RIPOR2: variants seen among roughly 807,000 people sequenced by gnomAD.
The protein encoded by RIPOR2 is rho family-interacting cell polarization regulator 2.
A neutral mutation model predicts 114.5 loss-of-function variants in RIPOR2; 39 were observed. The ratio of observed to expected loss-of-function variants is 0.34; its 90% CI spans 0.26 to 0.44. RIPOR2 has a LOEUF of 0.44. Among genes scored for constraint, RIPOR2 ranks in the 20% least tolerant of loss-of-function variants. The pLI, the probability that RIPOR2 is intolerant of heterozygous loss-of-function variation, is 1.00. For missense variants in RIPOR2, 1,007 were observed against 1,255.1 expected (o/e 0.80, Z 2.99); for synonymous variants, 445 against 484.4 (o/e 0.92, Z 1.07).
At chr6:24,938,581 G>A (rs892796559), upstream of RIPOR2, among the ~76,000 whole-genome samples, 21 of 152,178 alleles carry the variant, frequency 1.4e-4, no homozygotes, top group Admixed American at 3.9e-4. Flanking sequence ...ATAATTATAC[G>A]CCTAAGTCTC....
intron 7 of RIPOR2, among the ~76,000 whole-genome samples, chr6:24,861,278 C>T (rs1182888554): frequency 6.6e-6 from 1 of 152,128 alleles, no homozygotes; most frequent in Non-Finnish European, 1.5e-5. Flanking sequence ...CAAAAATAGA[C>T]ACATTCAGAA....
At chr6:25,014,738 A>C (rs958209993) in intron 1 of RIPOR2, among the ~76,000 whole-genome samples, 9 of 152,226 alleles carry the variant, frequency 5.9e-5, no homozygotes, top group Admixed American at 3.3e-4. Context: ...GAGCTCCAAA[A>C]TTTAGACAGT....
At chr6:25,027,088 TA>T (rs1776660306) in intron 1 of RIPOR2, among the ~76,000 whole-genome samples, 1 of 152,140 alleles carries the variant, frequency 6.6e-6, no homozygotes, top group South Asian at 2.1e-4. Context: ...TTCCAAATAT[TA>T]AAACAAAAAA....
chr6:25,030,098 G>T (rs10946743), intron 1 of RIPOR2, among the ~76,000 whole-genome samples: 4 of 151,432 alleles, frequency 2.6e-5, no homozygotes, highest in Non-Finnish European at 5.9e-5. Flanking sequence ...TCCCATCCTT[G>T]TTCTTCTGTA....
At chr6:24,950,999 G>A (rs189386292) in intron 1 of RIPOR2, among the ~76,000 whole-genome samples, 1 of 152,342 alleles carries the variant, frequency 6.6e-6, no homozygotes, top group African/African-American at 2.4e-5. Flanking sequence ...GGTCAGCCAA[G>A]ATCTTTGCGT....
intron 1 of RIPOR2, chr6:25,024,477 C>T (rs1776505597): frequency 3.5e-6 from 3 of 854,542 alleles, no homozygotes; most frequent in South Asian, 2.7e-5. Flanking sequence ...GGAGCCTTTG[C>T]TGGACATAGT....
At chr6:25,033,811 CA>C (rs1187908060) in intron 1 of RIPOR2, among the ~76,000 whole-genome samples, 1 of 152,074 alleles carries the variant, frequency 6.6e-6, no homozygotes, top group Admixed American at 6.5e-5. Context: ...CTGTGGTCTA[CA>C]AAAAACAAAT....
intron 8 of RIPOR2, among the ~76,000 whole-genome samples, chr6:24,859,515 G>A (rs1434386583): frequency 1.3e-5 from 2 of 152,110 alleles, no homozygotes; most frequent in African/African-American, 4.8e-5. Flanking sequence ...CTCAAGTGAG[G>A]ACCCAAAAAT....
chr6:24,850,284 G>A (rs1462412451), intron 10 of RIPOR2, among the ~76,000 whole-genome samples: 3 of 151,212 alleles, frequency 2.0e-5, no homozygotes, highest in Non-Finnish European at 4.4e-5. Context: ...TTGTAGAGAC[G>A]GCGTTTTGCC....
At chr6:24,860,523 C>T (rs1025492465) in intron 8 of RIPOR2, among the ~76,000 whole-genome samples, 5 of 152,086 alleles carry the variant, frequency 3.3e-5, no homozygotes, top group African/African-American at 9.7e-5. Context: ...GCTGTGAAAA[C>T]GTGACAGTAC....
At chr6:25,029,605 C>T (rs1776820953) in intron 1 of RIPOR2, among the ~76,000 whole-genome samples, 1 of 151,798 alleles carries the variant, frequency 6.6e-6, no homozygotes, top group Non-Finnish European at 1.5e-5. Context: ...TGAGCTGGGA[C>T]CCTCCGTGCC....
intron 1 of RIPOR2, among the ~76,000 whole-genome samples, chr6:25,027,986 T>C (rs1438163328): frequency 6.6e-6 from 1 of 152,160 alleles, no homozygotes; most frequent in Non-Finnish European, 1.5e-5. Context: ...CTATGACCCC[T>C]AACAGCTCTA....
intron 1 of RIPOR2, among the ~76,000 whole-genome samples, chr6:25,027,677 T>G (rs79522700): frequency 0.21 from 31,893 of 152,030 alleles, 4,109 homozygotes; most frequent in East Asian, 0.59. Context: ...CCCCCTCCCC[T>G]CGTGTGAGTC....
intron 1 of RIPOR2, among the ~76,000 whole-genome samples, chr6:24,915,821 A>T (rs1339932886): frequency 2.0e-5 from 3 of 152,224 alleles, no homozygotes; most frequent in Admixed American, 2.0e-4. Flanking sequence ...AATGCACTTC[A>T]GGAAACACTG....
At chr6:25,002,763 T>G (rs544590901) in intron 1 of RIPOR2, among the ~76,000 whole-genome samples, 1 of 152,166 alleles carries the variant, frequency 6.6e-6, no homozygotes, top group Non-Finnish European at 1.5e-5. Flanking sequence ...AAATACCACA[T>G]GTAGAAGTGA....
At chr6:24,832,436 G>A in intron 15 of RIPOR2, 45 bp from the exon 16 acceptor site, 1 of 1,539,110 alleles carries the variant, frequency 6.5e-7, no homozygotes, top group Non-Finnish European at 8.8e-7. Flanking sequence ...GTTGTTTTCA[G>A]TAGAGCTTTC....
chr6:24,900,958 G>A (rs1768383458), intron 1 of RIPOR2, among the ~76,000 whole-genome samples: 1 of 152,096 alleles, frequency 6.6e-6, no homozygotes, highest in Non-Finnish European at 1.5e-5. Context: ...GGGACTACAG[G>A]CACAGACCAC....
intron 1 of RIPOR2, among the ~76,000 whole-genome samples, chr6:25,008,179 T>G (rs1775633775): frequency 6.7e-6 from 1 of 150,238 alleles, no homozygotes. Context: ...GAAAGGGACT[T>G]TGCAGATATA....
chr6:24,846,441 GACC>G, intron 12 of RIPOR2, among the ~76,000 whole-genome samples: 1 of 151,810 alleles, frequency 6.6e-6, no homozygotes, highest in South Asian at 2.1e-4. Context: ...GGGTAGTTGG[GACC>G]ACAAGTGTGT....
Sources: allele counts gnomAD v4.1 joint callset (sites outside exome capture counted in the v4.1 genomes callset), GRCh38; gene constraint gnomAD v4.1.1; transcripts MANE v1.5; gene names NCBI Gene and HGNC (gene_info 2026-07-23, HGNC 2026-07-21).